PARP15: variants seen among roughly 807,000 people sequenced by gnomAD.
PARP15 encodes protein mono-ADP-ribosyltransferase PARP15.
Under a neutral mutation model 62.1 loss-of-function variants are expected in PARP15, and 50 were observed. The ratio of observed to expected loss-of-function variants is 0.81; its 90% CI spans 0.64 to 1.02. The LOEUF (loss-of-function observed/expected upper bound fraction) is 1.02, where lower values mean the gene tolerates loss of function less well. PARP15 is among the 50% of genes least tolerant of loss of function. The pLI is 0.00. For synonymous variants in PARP15, 309 were observed against 293.1 expected (o/e 1.05, Z -0.55); for missense variants, 820 against 826.5 (o/e 0.99, Z 0.10).
intron 8 of PARP15, among the ~76,000 whole-genome samples, chr3:122,624,433 C>A (rs1936558172): frequency 6.6e-6 from 1 of 152,160 alleles, no homozygotes; most frequent in African/African-American, 2.4e-5. Flanking sequence ...CAGGCAGCCT[C>A]TCTGCTCTGG....
chr3:122,583,859 C>T (rs964851), intron 1 of PARP15, among the ~76,000 whole-genome samples: 86,046 of 151,976 alleles, frequency 0.57, 25,030 homozygotes, highest in South Asian at 0.67. Flanking sequence ...GAGCTCTTTG[C>T]GCAACTCTCT....
At chr3:122,600,796 T>TC in intron 1 of PARP15, among the ~76,000 whole-genome samples, 1 of 151,890 alleles carries the variant, frequency 6.6e-6, no homozygotes, top group East Asian at 1.9e-4. Context: ...TATTACCTTT[T>TC]TTTTTTTTAA....
chr3:122,615,387 G>T, intron 4 of PARP15: 2 of 1,297,802 alleles, frequency 1.5e-6, no homozygotes, highest in Non-Finnish European at 2.0e-6. Flanking sequence ...GAACGTTGTT[G>T]CCCTGCCCCC....
At position 122,606,029 on chromosome 3, in the gene PARP15, A is replaced by G. The variant is rs766843387; in HGVS notation, c.280A>G (p.Ile94Val). ...CAAAGAAGGTCTGAATCTCAAGTTGATAAGTGGAGATGTTCTGTACATCTG... is the reference window on the plus strand; with the variant it reads ...CAAAGAAGGTCTGAATCTCAAGTTGGTAAGTGGAGATGTTCTGTACATCTG... ...QTKEGLNLKL[I>V]SGDVLYIWAD... Residue 94 changes from isoleucine to valine, a missense_variant, in exon 2 of 12, where the codon ATA (isoleucine) becomes GTA (valine). Around this residue, in one of 3 missense-constraint regions of PARP15, gnomAD observed 731 missense variants for 727.7 expected, o/e 1.00. Coordinates refer to ENST00000464300, the MANE Select transcript of PARP15 (RefSeq NM_001113523.3). The G allele has an allele frequency of 7.7e-6, 12 of 1,552,036 alleles. No individual in the cohort carries two copies. In the South Asian group the frequency reaches 1.1e-4, roughly 14 times the overall value.
At chr3:122,593,614 T>C (rs1423598625) in intron 1 of PARP15, among the ~76,000 whole-genome samples, 1 of 152,216 alleles carries the variant, frequency 6.6e-6, no homozygotes, top group Non-Finnish European at 1.5e-5. Context: ...TATGCAAATA[T>C]ATAGATAAAA....
chr3:122,634,827 C>T (rs916279052), intron 10 of PARP15, among the ~76,000 whole-genome samples, 193 bp from the exon 11 acceptor site: 4 of 152,146 alleles, frequency 2.6e-5, no homozygotes, highest in Non-Finnish European at 5.9e-5. Flanking sequence ...TACTTTTAGC[C>T]CATCTTTCTC....
chr3:122,582,897 A>G (rs1162848746), intron 1 of PARP15, among the ~76,000 whole-genome samples: 2 of 151,672 alleles, frequency 1.3e-5, no homozygotes, highest in Non-Finnish European at 2.9e-5. Context: ...TTTCTGCTGT[A>G]TATAATTATG....
rs181877549 is a variant in PARP15, at chr3:122,591,545, G to A, written c.186+13692G>A. Among the ~76,000 whole-genome samples, 9 of 152,268 alleles carry A rather than the reference G, an allele frequency of 5.9e-5. 1 individual carries two copies. In the East Asian group the frequency reaches 7.7e-4, roughly 13 times the overall value. On this transcript the variant is annotated intron_variant, in intron 1 of 11. Coordinates refer to ENST00000464300, the MANE Select transcript of PARP15 (RefSeq NM_001113523.3). ...TGGGAGGCCGAGGCGGGCAGATCAC[G>A]AGGTGAGGAAATCAAGACCATCCTG...
At position 122,629,589 on chromosome 3, in the gene PARP15, T is replaced by A. The variant is rs115172204; in HGVS notation, c.1439-2497T>A. Reference sequence around the variant, plus strand: ...GACAAATTTTCCACGGACTGGGTTATGAAGGGGGTGGTTTCAGGATGGTCC... The same window carrying A: ...GACAAATTTTCCACGGACTGGGTTAAGAAGGGGGTGGTTTCAGGATGGTCC... On this transcript the variant is annotated intron_variant, in intron 9 of 11. Transcript: ENST00000464300. Among the ~76,000 whole-genome samples the A allele has an allele frequency of 8.7e-3, 1,320 of 152,306 alleles. 24 individuals carry two copies. The highest frequency in any genetic ancestry group is 0.03 in the African/African-American group (1,242 of 41,568).
chr3:122,582,164 G>A (rs1933000111), intron 1 of PARP15, among the ~76,000 whole-genome samples: 1 of 146,642 alleles, frequency 6.8e-6, no homozygotes, highest in African/African-American at 2.5e-5. Context: ...CACATTTATT[G>A]TGAATGATAT....
intron 1 of PARP15, among the ~76,000 whole-genome samples, chr3:122,603,358 G>A (rs565496030): frequency 7.9e-5 from 12 of 151,512 alleles, no homozygotes; most frequent in East Asian, 3.9e-4. Context: ...AAGGAAGACC[G>A]AAAAAAAATC....
chr3:122,591,529 G>A (rs895032315), intron 1 of PARP15, among the ~76,000 whole-genome samples: 1 of 152,282 alleles, frequency 6.6e-6, no homozygotes, highest in South Asian at 2.1e-4. Flanking sequence ...TTGGGAGGCC[G>A]AGGCGGGCAG....
intron 1 of PARP15, among the ~76,000 whole-genome samples, chr3:122,595,347 C>G (rs1934252622): frequency 6.6e-6 from 1 of 151,708 alleles, no homozygotes; most frequent in Non-Finnish European, 1.5e-5. Flanking sequence ...GCTTTTACCT[C>G]CAGTGTTCCA....
intron 3 of PARP15, among the ~76,000 whole-genome samples, chr3:122,612,449 G>C (rs1424265323): frequency 2.8e-5 from 4 of 142,030 alleles, no homozygotes; most frequent in African/African-American, 1.1e-4. Context: ...TTTTGCTTTT[G>C]AGACGGAGTC....
chr3:122,611,808 G>A lies in PARP15; in HGVS notation c.543+1078G>A, dbSNP rs529847268. ...TGGCTCACCGCAGCCTCCGCCTCCCGGGTTCAAGCAATTCTCCTGCCTCAG... is the reference window on the plus strand; with the variant it reads ...TGGCTCACCGCAGCCTCCGCCTCCCAGGTTCAAGCAATTCTCCTGCCTCAG... On this transcript the variant is annotated intron_variant, in intron 3 of 11. Coordinates refer to ENST00000464300, the MANE Select transcript of PARP15 (RefSeq NM_001113523.3). Among the ~76,000 whole-genome samples, 482 of 152,020 alleles carry A rather than the reference G, an allele frequency of 3.2e-3. 2 individuals are homozygous for A. Among genetic ancestry groups the A allele is most frequent in the African/African-American group, 0.011 (460 of 41,464 alleles).
chr3:122,609,009 C>A (rs1469401330), intron 2 of PARP15, among the ~76,000 whole-genome samples: 2 of 152,032 alleles, frequency 1.3e-5, no homozygotes, highest in Admixed American at 1.3e-4. Flanking sequence ...CCTGCCTCAT[C>A]CTCCCAAAAT....
Position 122,636,454 on chromosome 3 carries a change from A to T in PARP15, c.*354A>T, listed in dbSNP as rs1055892583. Reference sequence around the variant, plus strand: ...ATTGTTCTTCTTGGAACATGTTAAGACATCGAATGGTGGCGGGTTAAACTG... The same window carrying T: ...ATTGTTCTTCTTGGAACATGTTAAGTCATCGAATGGTGGCGGGTTAAACTG... On this transcript the variant is annotated 3_prime_UTR_variant, in exon 12 of 12. Transcript: ENST00000464300. 6 of 240,164 alleles carry T rather than the reference A, an allele frequency of 2.5e-5. No homozygotes were observed. The highest frequency in any genetic ancestry group is 1.1e-4 in the African/African-American group (5 of 44,848). The allele number at this position is 240,164 out of a possible 1,614,324, so 14.9% of individuals were successfully genotyped here. A position where few individuals can be genotyped will look rare whatever the true frequency, so the allele number is the denominator to read the frequency against.
At chr3:122,632,412 A>C (rs982266615) in intron 10 of PARP15, among the ~76,000 whole-genome samples, 193 bp downstream of exon 10, 6 of 152,256 alleles carry the variant, frequency 3.9e-5, no homozygotes, top group African/African-American at 1.4e-4. Context: ...ATTCCAAGTC[A>C]CATGTGTATG....
At chr3:122,607,808 T>A (rs1021251833) in intron 2 of PARP15, among the ~76,000 whole-genome samples, 14 of 152,178 alleles carry the variant, frequency 9.2e-5, no homozygotes, top group African/African-American at 2.7e-4. Flanking sequence ...ATCCAGTTAG[T>A]TTCCAAGCCC....
Sources: allele counts gnomAD v4.1 joint callset (sites outside exome capture counted in the v4.1 genomes callset), GRCh38; gene constraint gnomAD v4.1.1; regional missense constraint gnomAD v4.1.1; transcripts MANE v1.5; gene names NCBI Gene and HGNC (gene_info 2026-07-23, HGNC 2026-07-21).